Variants in GRIK3 observed in about 807,000 individuals in gnomAD.
GRIK3 encodes glutamate receptor ionotropic, kainate 3.
Under a neutral mutation model 102.5 loss-of-function variants are expected in GRIK3, and 29 were observed. That is an observed-to-expected ratio of 0.28 (90% CI 0.21 to 0.39). The LOEUF (loss-of-function observed/expected upper bound fraction) is 0.39. Among genes scored for constraint, GRIK3 ranks in the 10% least tolerant of loss-of-function variants. The probability of loss-of-function intolerance (pLI) is 1.00; values close to 1 mark genes in which losing one functional copy is unlikely to be tolerated. For synonymous variants in GRIK3, 511 were observed against 504.9 expected (o/e 1.01, Z -0.16); for missense variants, 908 against 1,252.4 (o/e 0.73, Z 4.15).
At chr1:36,874,316 A>T (rs1391196503) in intron 3 of GRIK3, among the ~76,000 whole-genome samples, 2 of 152,206 alleles carry the variant, frequency 1.3e-5, no homozygotes, top group Non-Finnish European at 2.9e-5. Context: ...TCGGGGACAG[A>T]CATGTATGCT....
At chr1:36,927,012 A>C (rs1480215532) in intron 1 of GRIK3, among the ~76,000 whole-genome samples, 1 of 152,214 alleles carries the variant, frequency 6.6e-6, no homozygotes, top group Non-Finnish European at 1.5e-5. Flanking sequence ...TCCCTTCCCC[A>C]GGTACTGCCT....
intron 15 of GRIK3, 79 bp from the exon 16 acceptor site, chr1:36,802,124 C>T (rs538317607): frequency 2.9e-6 from 3 of 1,018,378 alleles, no homozygotes; most frequent in African/African-American, 3.2e-5. Flanking sequence ...CAGTTCCTCC[C>T]CTTTCTCCCA....
At chr1:36,998,979 AGTGTGT>A (rs768062478) in intron 1 of GRIK3, among the ~76,000 whole-genome samples, 6 of 128,238 alleles carry the variant, frequency 4.7e-5, no homozygotes, top group South Asian at 2.6e-4. Context: ...GAACTTTGGA[AGTGTGT>A]GTGTGTGTGT....
In GRIK3 at chr1:36,841,885, G is replaced by C. The variant is rs373200808; in HGVS notation, c.1381C>G (p.Arg461Gly). The change falls in exon 10 of 16, where the codon CGG becomes GGG. Residue 461 changes from arginine (R) to glycine (G), a missense_variant. Around this residue, in one of 3 missense-constraint regions of GRIK3, gnomAD observed 585 missense variants for 824.9 expected, o/e 0.71. Transcript: ENST00000373091. The stretch of plus-strand genomic sequence containing the variant: ...AGGTCGATGCAGTAGCCCTCGAACC[G>C]GTCATTCCCGTATAGCGTCCTGTCT... Reference protein sequence around the residue: ...KSDRTLYGNDRFEGYCIDLLK... With the variant: ...KSDRTLYGNDGFEGYCIDLLK... 9 of 1,614,178 alleles carry C rather than the reference G, an allele frequency of 5.6e-6. No individual in the cohort carries two copies. The highest frequency in any genetic ancestry group is 7.6e-6 in the Non-Finnish European group (9 of 1,180,018).
intron 3 of GRIK3, among the ~76,000 whole-genome samples, chr1:36,874,268 G>A (rs1640887939): frequency 6.6e-6 from 1 of 152,190 alleles, no homozygotes; most frequent in South Asian, 2.1e-4. Context: ...TGGACATCAG[G>A]AAAGCAATCT....
intron 1 of GRIK3, among the ~76,000 whole-genome samples, chr1:36,985,464 C>G (rs1642294603): frequency 6.6e-6 from 1 of 152,198 alleles, no homozygotes; most frequent in African/African-American, 2.4e-5. Flanking sequence ...CTTCATGGAG[C>G]TTTCCTTGAT....
intron 1 of GRIK3, among the ~76,000 whole-genome samples, chr1:36,940,489 A>C (rs914464870): frequency 6.6e-6 from 1 of 152,152 alleles, no homozygotes; most frequent in African/African-American, 2.4e-5. Context: ...TTTACCCCAG[A>C]TTTGGATGGT....
intron 1 of GRIK3, among the ~76,000 whole-genome samples, chr1:36,947,784 TAGCATCAC>T (rs1641801205): frequency 6.6e-6 from 1 of 152,284 alleles, no homozygotes; most frequent in Admixed American, 6.5e-5. Context: ...TCCAGAGCTG[TAGCATCAC>T]AGCTTAGAGC....
intron 15 of GRIK3, among the ~76,000 whole-genome samples, chr1:36,803,404 G>A (rs1422597597): frequency 6.6e-6 from 1 of 151,942 alleles, no homozygotes; most frequent in Non-Finnish European, 1.5e-5. Context: ...GGTGGAATGA[G>A]GAGCTCTTTT....
intron 10 of GRIK3, among the ~76,000 whole-genome samples, chr1:36,830,974 C>G (rs927175528): frequency 3.3e-5 from 5 of 152,250 alleles, no homozygotes; most frequent in Middle Eastern, 6.8e-3. Flanking sequence ...AACAGGTTCT[C>G]CTTCAGAGCC....
At chr1:37,019,040 G>T (rs928426859) in intron 1 of GRIK3, among the ~76,000 whole-genome samples, 5 of 152,126 alleles carry the variant, frequency 3.3e-5, no homozygotes, top group African/African-American at 4.8e-5. Flanking sequence ...GGACGAGATG[G>T]ATTTACACTG....
At chr1:36,932,292 G>A (rs574013814) in intron 1 of GRIK3, among the ~76,000 whole-genome samples, 12 of 152,152 alleles carry the variant, frequency 7.9e-5, no homozygotes, top group African/African-American at 2.9e-4. Flanking sequence ...TAGAAAGCTG[G>A]CCCTTGGTTT....
At chr1:36,920,799 C>T (rs918645097) in intron 1 of GRIK3, among the ~76,000 whole-genome samples, 9 of 152,268 alleles carry the variant, frequency 5.9e-5, no homozygotes, top group African/African-American at 2.2e-4. Context: ...ACACTGCTTT[C>T]CTGATAATGG....
At chr1:36,977,781 A>G (rs1041255151) in intron 1 of GRIK3, among the ~76,000 whole-genome samples, 1 of 152,222 alleles carries the variant, frequency 6.6e-6, no homozygotes, top group African/African-American at 2.4e-5. Context: ...AGACCCACCC[A>G]CCCATTAGCA....
intron 1 of GRIK3, among the ~76,000 whole-genome samples, chr1:36,928,969 C>G (rs1405022618): frequency 1.3e-5 from 2 of 152,184 alleles, no homozygotes; most frequent in Non-Finnish European, 2.9e-5. Context: ...GAGAATGACT[C>G]ATGTTTATTG....
chr1:36,807,271 T>C lies in GRIK3; in HGVS notation c.2092-945A>G, dbSNP rs184145710. On this transcript the variant is annotated intron_variant, in intron 13 of 15. Coordinates refer to ENST00000373091, the MANE Select transcript of GRIK3 (RefSeq NM_000831.4). ...GAGAGAGGAGGGCAAGGGCTGAGTG[T>C]CCCTTGCTGCCTGGGGAGACTGTGC... Among the ~76,000 whole-genome samples the C allele has an allele frequency of 3.9e-5, 6 of 152,032 alleles. No individual in the cohort carries two copies. In the East Asian group the frequency reaches 1.2e-3, roughly 29 times the overall value.
chr1:36,833,470 G>A (rs776220005), intron 10 of GRIK3, among the ~76,000 whole-genome samples: 2 of 152,238 alleles, frequency 1.3e-5, no homozygotes, highest in East Asian at 1.9e-4. Context: ...CTGGCTGGTC[G>A]GGGGAGGGCT....
rs1258282766 is a variant in GRIK3, at chr1:36,872,466, C to T, written c.551-97G>A. The T allele has an allele frequency of 1.0e-6, 1 of 967,064 alleles. No homozygotes were observed. Among genetic ancestry groups the T allele is most frequent in the East Asian group, 2.6e-5 (1 of 37,770 alleles). 59.9% of individuals were successfully genotyped at this position (967,064 alleles called of 1,614,324 possible). A position where few individuals can be genotyped will look rare whatever the true frequency, so the allele number is the denominator to read the frequency against. ...TTGTGTGCACACACATGCCCATGGC[C>T]ACAGGTCTGCAGACATACACGGGCA... On this transcript the variant is annotated intron_variant, in intron 3 of 15. Transcript: ENST00000373091. The surrounding 1 kb of genome is among the most constrained non-coding windows in gnomAD (Gnocchi z 5.9).
chr1:36,963,622 TG>T (rs1284153791), intron 1 of GRIK3, among the ~76,000 whole-genome samples: 1 of 152,200 alleles, frequency 6.6e-6, no homozygotes, highest in Non-Finnish European at 1.5e-5. Context: ...GTGGTGGAAC[TG>T]GGATTTGAAC....
Sources: gnomAD v4.1 joint callset for allele counts (sites outside exome capture counted in the v4.1 genomes callset) on GRCh38, gnomAD v4.1.1 for gene constraint, gnomAD v4.1.1 regional missense constraint, Gnocchi (gnomAD v3.1) non-coding constraint, MANE v1.5 for transcripts, NCBI Gene and HGNC (gene_info 2026-07-23, HGNC 2026-07-21) for gene names.